Variants in CHSY3 observed in about 807,000 individuals in gnomAD.
The protein encoded by CHSY3 is N-acetylgalactosaminyl-proteoglycan 3-beta-glucuronosyltransferase 3.
Under a neutral mutation model 67.2 loss-of-function variants are expected in CHSY3, and 35 were observed. The ratio of observed to expected loss-of-function variants is 0.52; its 90% confidence interval spans 0.40 to 0.69. The LOEUF is 0.69. Ranked by LOEUF, CHSY3 falls within the 30% of genes least tolerant of loss-of-function variation. CHSY3 has a pLI of 0.00. For missense variants in CHSY3, 1,069 were observed against 1,138.5 expected, an observed-to-expected ratio of 0.94 and a Z score of 0.88; for synonymous variants, 474 against 434.7, an observed-to-expected ratio of 1.09 and a Z score of -1.12.
chr5:129,948,326 T>TC (rs1761922642), intron 2 of CHSY3, among the ~76,000 whole-genome samples: 1 of 152,196 alleles, frequency 6.6e-6, no homozygotes. Flanking sequence ...TCTTTATCCC[T>TC]CACCCCTCCT....
intron 2 of CHSY3, among the ~76,000 whole-genome samples, chr5:129,995,056 T>C (rs186717752): frequency 1.1e-3 from 164 of 151,926 alleles, no homozygotes; most frequent in African/African-American, 3.8e-3. Context: ...AAAAAAAATT[T>C]AGACTTTCAC....
chr5:130,059,306 G>A (rs529068373), intron 2 of CHSY3, among the ~76,000 whole-genome samples: 1 of 152,144 alleles, frequency 6.6e-6, no homozygotes, highest in Admixed American at 6.5e-5. Context: ...AAGCCTGCCA[G>A]CCTGCCGTGT....
chr5:130,108,050 A>C (rs747929762), intron 2 of CHSY3, among the ~76,000 whole-genome samples: 2 of 151,612 alleles, frequency 1.3e-5, no homozygotes, highest in Admixed American at 1.3e-4. Context: ...AATTGCTTAT[A>C]ATTTACAAAG....
chr5:129,914,968 C>T (rs1445954659), intron 2 of CHSY3, among the ~76,000 whole-genome samples: 1 of 152,262 alleles, frequency 6.6e-6, no homozygotes, highest in African/African-American at 2.4e-5. Flanking sequence ...CACAAACATT[C>T]TAATTTCCTG....
intron 2 of CHSY3, among the ~76,000 whole-genome samples, chr5:130,098,132 G>A (rs988941022): frequency 2.6e-5 from 4 of 152,038 alleles, no homozygotes; most frequent in Non-Finnish European, 5.9e-5. Flanking sequence ...TATTGATATT[G>A]GCACAGTCAG....
At chr5:129,936,315 AT>A (rs988553618) in intron 2 of CHSY3, among the ~76,000 whole-genome samples, 25 of 152,246 alleles carry the variant, frequency 1.6e-4, no homozygotes, top group Non-Finnish European at 1.5e-4. Context: ...ATAGAAGGGA[AT>A]TTTTTTTAAA....
intron 2 of CHSY3, among the ~76,000 whole-genome samples, chr5:129,909,756 AG>A (rs1417681666): frequency 6.6e-6 from 1 of 152,050 alleles, no homozygotes; most frequent in South Asian, 2.1e-4. Flanking sequence ...TTCAATACAG[AG>A]AACATATTCA....
chr5:130,046,588 C>T (rs1765157142), intron 2 of CHSY3, among the ~76,000 whole-genome samples: 1 of 152,006 alleles, frequency 6.6e-6, no homozygotes, highest in African/African-American at 2.4e-5. Flanking sequence ...TACTTGCTGA[C>T]TTGAATGAGC....
intron 2 of CHSY3, among the ~76,000 whole-genome samples, chr5:130,153,424 C>G (rs148204816): frequency 1.3e-5 from 2 of 152,136 alleles, no homozygotes; most frequent in African/African-American, 2.4e-5. Context: ...TCTCTCTCAG[C>G]CTTTAAGTTT....
At chr5:130,096,631 T>A (rs866884375) in intron 2 of CHSY3, among the ~76,000 whole-genome samples, 31 of 152,204 alleles carry the variant, frequency 2.0e-4, no homozygotes, top group African/African-American at 6.3e-4. Context: ...AGTTTTTTTT[T>A]AATTTGCTTT....
At chr5:130,045,500 A>G (rs945066214) in intron 2 of CHSY3, among the ~76,000 whole-genome samples, 4 of 152,070 alleles carry the variant, frequency 2.6e-5, no homozygotes, top group Non-Finnish European at 5.9e-5. Context: ...AGTGAGTGTT[A>G]TGATCCTGGA....
intron 2 of CHSY3, among the ~76,000 whole-genome samples, chr5:129,931,665 A>G (rs1179904959): frequency 6.6e-6 from 1 of 152,164 alleles, no homozygotes. Flanking sequence ...AGGGTCTCAT[A>G]CTTTTTTGTC....
chr5:130,140,755 A>T lies in CHSY3; in HGVS notation c.1087-43474A>T, dbSNP rs555067660. 246 of 245,078 alleles carry T rather than the reference A, an allele frequency of 1.0e-3. 1 individual carries two copies. The highest frequency in any genetic ancestry group is 4.6e-3 in the African/African-American group (199 of 43,248). The allele number at this position is 245,078 out of a possible 1,614,324, so 15.2% of individuals were successfully genotyped here. A position where few individuals can be genotyped will look rare whatever the true frequency, so the allele number is the denominator to read the frequency against. ...TTAACCATTTTATTACTGAGTTCACACACAAGCACAAGCACAAGAAGGACA... is the reference window on the plus strand; with the variant it reads ...TTAACCATTTTATTACTGAGTTCACTCACAAGCACAAGCACAAGAAGGACA... On this transcript the variant is annotated intron_variant, in intron 2 of 2. Coordinates refer to ENST00000305031, the MANE Select transcript of CHSY3 (RefSeq NM_175856.5).
At chr5:129,918,277 A>G (rs1760798470) in intron 2 of CHSY3, among the ~76,000 whole-genome samples, 1 of 152,204 alleles carries the variant, frequency 6.6e-6, no homozygotes, top group Non-Finnish European at 1.5e-5. Flanking sequence ...AGTTGTGTTT[A>G]TTTATTATAT....
At chr5:130,126,065 T>C (rs987650978) in intron 2 of CHSY3, among the ~76,000 whole-genome samples, 2 of 152,208 alleles carry the variant, frequency 1.3e-5, no homozygotes, top group Admixed American at 1.3e-4. Context: ...TACTTTTTTA[T>C]TGCTCCTTGA....
intron 2 of CHSY3, among the ~76,000 whole-genome samples, chr5:130,149,255 A>G (rs1769163291): frequency 6.6e-6 from 1 of 152,200 alleles, no homozygotes; most frequent in Non-Finnish European, 1.5e-5. Context: ...GCATTGCTAT[A>G]AATAAATACC....
intron 2 of CHSY3, among the ~76,000 whole-genome samples, chr5:130,166,346 G>A (rs555942910): frequency 2.6e-5 from 4 of 152,158 alleles, no homozygotes; most frequent in African/African-American, 7.2e-5. Flanking sequence ...GAGTCACTAG[G>A]ACACTTACTG....
intron 2 of CHSY3, among the ~76,000 whole-genome samples, chr5:130,092,818 G>C (rs1194878216): frequency 6.6e-6 from 1 of 152,146 alleles, no homozygotes; most frequent in Admixed American, 6.5e-5. Context: ...TTATATACCA[G>C]GGAAGAAATG....
chr5:130,011,037 A>G (rs543352633), intron 2 of CHSY3, among the ~76,000 whole-genome samples: 1 of 152,334 alleles, frequency 6.6e-6, no homozygotes, highest in East Asian at 1.9e-4. Context: ...GCCAAATTCT[A>G]TTAGATGTAT....
Sources: allele counts gnomAD v4.1 joint callset (sites outside exome capture counted in the v4.1 genomes callset), GRCh38; gene constraint gnomAD v4.1.1; transcripts MANE v1.5; gene names NCBI Gene and HGNC (gene_info 2026-07-23, HGNC 2026-07-21).